CNTNAP2: variants seen among roughly 807,000 people sequenced by gnomAD.
The protein encoded by CNTNAP2 is contactin associated protein 2.
A neutral mutation model predicts 155.2 loss-of-function variants in CNTNAP2; 98 were observed. The observed-to-expected ratio is 0.63, with a 90% CI of 0.54 to 0.75. The LOEUF (loss-of-function observed/expected upper bound fraction) is 0.75, where lower values mean the gene tolerates loss of function less well. CNTNAP2 is among the 30% of genes least tolerant of loss of function. The pLI is 0.00. For missense variants in CNTNAP2, 1,727 were observed against 1,688.1 expected (o/e 1.02, Z -0.40); for synonymous variants, 651 against 631.2 (o/e 1.03, Z -0.47).
chr7:146,460,916 ATACTT>A (rs1162017809), intron 1 of CNTNAP2, among the ~76,000 whole-genome samples: 1 of 152,188 alleles, frequency 6.6e-6, no homozygotes, highest in African/African-American at 2.4e-5. Flanking sequence ...CATGGTAACT[ATACTT>A]TAAAATAATA....
At chr7:147,132,723 G>T (rs1186793956) in intron 8 of CNTNAP2, among the ~76,000 whole-genome samples, 1 of 152,050 alleles carries the variant, frequency 6.6e-6, no homozygotes, top group East Asian at 1.9e-4. Flanking sequence ...GAGAAAATTG[G>T]TTGAGATTGG....
intron 2 of CNTNAP2, among the ~76,000 whole-genome samples, chr7:146,808,491 T>G (rs2129193135): frequency 6.6e-6 from 1 of 152,274 alleles, no homozygotes; most frequent in Non-Finnish European, 1.5e-5. Flanking sequence ...ACTTTGTAAC[T>G]TTTTCTGAAG....
chr7:147,385,522 G>T (rs995124763), intron 9 of CNTNAP2, among the ~76,000 whole-genome samples: 1 of 152,170 alleles, frequency 6.6e-6, no homozygotes, highest in Non-Finnish European at 1.5e-5. Flanking sequence ...AAATAAAGGG[G>T]CTAAAGTCCC....
At chr7:147,144,395 C>T (rs544454114) in intron 8 of CNTNAP2, among the ~76,000 whole-genome samples, 1 of 152,194 alleles carries the variant, frequency 6.6e-6, no homozygotes, top group Non-Finnish European at 1.5e-5. Flanking sequence ...ACATACTACA[C>T]TTCCAGCACA....
chr7:147,135,782 TAA>T (rs58906795), intron 8 of CNTNAP2, among the ~76,000 whole-genome samples: 12 of 141,292 alleles, frequency 8.5e-5, no homozygotes, highest in South Asian at 2.2e-4. Context: ...GCTTTATTCT[TAA>T]AAAAAAAAAA....
intron 4 of CNTNAP2, chr7:147,082,163 G>A (rs1408672691): frequency 6.6e-6 from 1 of 152,180 alleles, no homozygotes; most frequent in Non-Finnish European, 1.5e-5. Context: ...GAAAATCAGG[G>A]ATTGGATGCT....
intron 11 of CNTNAP2, among the ~76,000 whole-genome samples, chr7:147,540,628 C>A (rs576302947): frequency 5.3e-5 from 8 of 152,026 alleles, no homozygotes; most frequent in Non-Finnish European, 1.0e-4. Flanking sequence ...GTCAGGAGAT[C>A]GAGAGCATCC....
intron 1 of CNTNAP2, among the ~76,000 whole-genome samples, chr7:146,173,237 A>T (rs1270984056): frequency 6.6e-6 from 1 of 152,178 alleles, no homozygotes; most frequent in East Asian, 1.9e-4. Flanking sequence ...ATTATACATT[A>T]TTAGAGTAAA....
chr7:147,066,641 G>T lies in CNTNAP2; in HGVS notation c.550+22587G>T, dbSNP rs1235608186. Reference sequence around the variant, plus strand: ...CTAACGAGTTTTTCTTACTGAGAAAGGGTGCACAAACTCATAATGGGGGAG... The same window carrying T: ...CTAACGAGTTTTTCTTACTGAGAAATGGTGCACAAACTCATAATGGGGGAG... On this transcript the variant is annotated intron_variant, in intron 4 of 23. Coordinates refer to ENST00000361727, the MANE Select transcript of CNTNAP2 (RefSeq NM_014141.6). Among the ~76,000 whole-genome samples the T allele has an allele frequency of 3.9e-5, 6 of 152,246 alleles. No individual in the cohort carries two copies. In the East Asian group the frequency reaches 9.7e-4, roughly 25 times the overall value.
intron 1 of CNTNAP2, among the ~76,000 whole-genome samples, chr7:146,600,017 A>G (rs1226413125): frequency 6.6e-6 from 1 of 152,150 alleles, no homozygotes; most frequent in South Asian, 2.1e-4. Context: ...AACATACTTA[A>G]GGGTTAGTCT....
In CNTNAP2 at chr7:147,033,160, G is replaced by GTATA. The variant is rs3081742; in HGVS notation, c.403-10707_403-10704dup. Among the ~76,000 whole-genome samples, 522 of 90,652 alleles carry GTATA rather than the reference G, an allele frequency of 5.8e-3. 5 individuals carry two copies. The highest frequency in any genetic ancestry group is 7.3e-3 in the Non-Finnish European group (334 of 45,796). The allele number at this position is 90,652 out of a possible 152,430, so 59.5% of individuals were successfully genotyped here. ...AGGATATTGCTGCATATATATATAT[G>GTATA]TATATATATATATATATATATATAT... On this transcript the variant is annotated intron_variant, in intron 3 of 23. Transcript: ENST00000361727.
At chr7:147,245,434 G>T (rs77557662) in intron 8 of CNTNAP2, among the ~76,000 whole-genome samples, 1 of 151,992 alleles carries the variant, frequency 6.6e-6, no homozygotes, top group African/African-American at 2.4e-5. Flanking sequence ...CAGAGCATCA[G>T]TTGCTGTTTC....
Position 147,562,233 on chromosome 7 carries a change from C to G in CNTNAP2, c.1873C>G (p.Leu625Val). 6.2e-7 allele frequency: 1 copy of G among 1,613,960 alleles called. No individual in the cohort carries two copies. The highest frequency in any genetic ancestry group is 1.1e-5 in the South Asian group (1 of 91,076). Residue 625 changes from leucine (L) to valine (V), a missense_variant, in exon 12 of 24, where the codon CTG (leucine) becomes GTG (valine). By Grantham distance (32) the Leu-to-Val change is conservative (BLOSUM62 1). Transcript: ENST00000361727. Reference sequence around the variant, plus strand: ...TGATGGCAGCGGACCTCTGGGGCCTCTGAAAGTTTACTGCAACATGACAGG... The same window carrying G: ...TGATGGCAGCGGACCTCTGGGGCCTGTGAAAGTTTACTGCAACATGACAGG... ...DPDGSGPLGP[L>V]KVYCNMTEDK...
intron 14 of CNTNAP2, among the ~76,000 whole-genome samples, chr7:147,908,357 A>G (rs926512995): frequency 9.9e-5 from 15 of 152,226 alleles, no homozygotes; most frequent in African/African-American, 3.4e-4. Context: ...GTTACCAGGA[A>G]GCCCCTGCTT....
At chr7:147,928,643 C>A (rs760630416) in intron 14 of CNTNAP2, among the ~76,000 whole-genome samples, 7 of 152,060 alleles carry the variant, frequency 4.6e-5, no homozygotes, top group Admixed American at 4.6e-4. Flanking sequence ...AAATGTAGGT[C>A]GTGTTTCCTG....
At chr7:147,534,717 A>C (rs1233271335) in intron 11 of CNTNAP2, among the ~76,000 whole-genome samples, 1 of 152,204 alleles carries the variant, frequency 6.6e-6, no homozygotes, top group Non-Finnish European at 1.5e-5. Context: ...TTCAATGGGC[A>C]ATAAAAACAA....
chr7:147,911,747 C>T (rs1186849421), intron 14 of CNTNAP2, among the ~76,000 whole-genome samples: 1 of 152,082 alleles, frequency 6.6e-6, no homozygotes, highest in Non-Finnish European at 1.5e-5. Flanking sequence ...AGTATAATGT[C>T]CTTAAGTTTT....
intron 1 of CNTNAP2, among the ~76,000 whole-genome samples, chr7:146,319,354 T>G (rs1800961799): frequency 6.6e-6 from 1 of 152,222 alleles, no homozygotes; most frequent in Non-Finnish European, 1.5e-5. Flanking sequence ...GGGATTTCAC[T>G]GTCATATCAT....
At chr7:147,272,875 T>G (rs1457530199) in intron 8 of CNTNAP2, among the ~76,000 whole-genome samples, 2 of 152,164 alleles carry the variant, frequency 1.3e-5, no homozygotes, top group African/African-American at 4.8e-5. Context: ...CTGGATGATT[T>G]GTCTTTTAAT....
Sources: gnomAD v4.1 joint callset for allele counts (sites outside exome capture counted in the v4.1 genomes callset) on GRCh38, gnomAD v4.1.1 for gene constraint, MANE v1.5 for transcripts, NCBI Gene and HGNC (gene_info 2026-07-23, HGNC 2026-07-21) for gene names.